LMO2: variants seen among roughly 807,000 people sequenced by gnomAD.
The protein encoded by LMO2 is LIM domain only 2, also known as rhombotin-2.
Under a neutral mutation model 23.2 loss-of-function variants are expected in LMO2, and 20 were observed. That is an observed-to-expected ratio of 0.86 (90% CI 0.61 to 1.25). The LOEUF is 1.25. LMO2 is among the 50% of genes most tolerant of loss of function. The pLI, the probability that LMO2 is intolerant of heterozygous loss-of-function variation, is 0.00. For synonymous variants in LMO2, 123 were observed against 130.2 expected (o/e 0.94, Z 0.38); for missense variants, 270 against 315.3 (o/e 0.86, Z 1.09).
chr11:33,869,812 G>T lies in LMO2; in HGVS notation c.-96C>A. The T allele has an allele frequency of 6.4e-6, 7 of 1,095,612 alleles. No homozygotes were observed. Among genetic ancestry groups the T allele is most frequent in the Non-Finnish European group, 7.8e-6 (7 of 902,766 alleles). 67.9% of individuals were successfully genotyped at this position (1,095,612 alleles called of 1,614,324 possible). ...TGGTGTGCGCCCGCCCGGCCGCCCG[G>T]AGCCCCTCGCACCTTCGGCCCGGGT... On this transcript the variant is annotated 5_prime_UTR_variant, in exon 3 of 6. Transcript: ENST00000257818.
At chr11:33,878,191 G>A (rs1463122328) in intron 2 of LMO2, among the ~76,000 whole-genome samples, 1 of 152,100 alleles carries the variant, frequency 6.6e-6, no homozygotes, top group African/African-American at 2.4e-5. Flanking sequence ...CTGTAATCCT[G>A]CTCACTCCAT....
intron 2 of LMO2, among the ~76,000 whole-genome samples, chr11:33,871,992 G>T (rs1355782241): frequency 6.6e-6 from 1 of 151,986 alleles, no homozygotes; most frequent in Admixed American, 6.6e-5. Context: ...GGCCGGGCTC[G>T]GTGGCCCACA....
intron 5 of LMO2, among the ~76,000 whole-genome samples, chr11:33,860,778 A>C (rs751930481): frequency 2.0e-5 from 3 of 152,148 alleles, no homozygotes; most frequent in Non-Finnish European, 2.9e-5. Flanking sequence ...TCAAAAGAAA[A>C]GCAAAAACTA....
intron 2 of LMO2, chr11:33,871,185 T>C (rs1857012009): frequency 9.9e-6 from 3 of 302,684 alleles, no homozygotes; most frequent in South Asian, 2.6e-4. Flanking sequence ...GGGTCCCTAA[T>C]GGGTATAATC....
chr11:33,880,846 C>G lies in LMO2; in HGVS notation c.-272+978G>C, dbSNP rs1433043089. On this transcript the variant is annotated intron_variant, in intron 2 of 5. Transcript: ENST00000257818. The surrounding 1 kb of genome is among the most constrained non-coding windows in gnomAD (Gnocchi z 4.3). ...AACCAAATGTTATGGGGAAGCCAGT[C>G]TCATGAGCTCCAACACATTCTTCAG... is the stretch of plus-strand genomic sequence containing the variant. 8.7e-6 allele frequency: 2 copies of G among 231,148 alleles called. No homozygotes were observed. The highest frequency in any genetic ancestry group is 2.4e-4 in the East Asian group (2 of 8,500). The allele number at this position is 231,148 out of a possible 1,614,324, so 14.3% of individuals were successfully genotyped here.
intron 1 of LMO2, among the ~76,000 whole-genome samples, chr11:33,888,526 T>C (rs554119824): frequency 6.6e-6 from 1 of 152,256 alleles, no homozygotes; most frequent in East Asian, 1.9e-4. Flanking sequence ...CTTCAAACTC[T>C]TGCTTTAGGG....
chr11:33,866,040 G>A (rs566441392), intron 4 of LMO2, among the ~76,000 whole-genome samples: 17 of 152,252 alleles, frequency 1.1e-4, no homozygotes, highest in Admixed American at 7.8e-4. Flanking sequence ...TACCCTGCAG[G>A]TATAAATCCA....
chr11:33,861,508 C>T (rs141666320), intron 5 of LMO2, among the ~76,000 whole-genome samples: 7 of 152,248 alleles, frequency 4.6e-5, no homozygotes, highest in South Asian at 2.1e-4. Flanking sequence ...TTCAAAGCAC[C>T]GCCTGGGAGC....
intron 5 of LMO2, 142 bp from the exon 6 acceptor site, chr11:33,859,717 G>A: frequency 1.5e-6 from 1 of 661,242 alleles, no homozygotes; most frequent in Non-Finnish European, 2.6e-6. Flanking sequence ...AGGAGGGCCG[G>A]CTAGTGCAGT....
At chr11:33,887,675 G>C (rs931869278) in intron 1 of LMO2, among the ~76,000 whole-genome samples, 2 of 151,756 alleles carry the variant, frequency 1.3e-5, no homozygotes, top group African/African-American at 4.8e-5. Context: ...CTCCCAAGCA[G>C]CTGTGTGTGC....
rs1857226941 is a variant in LMO2, at chr11:33,880,067, C to G, written c.-272+1757G>C. Among the ~76,000 whole-genome samples the G allele has an allele frequency of 6.6e-6, 1 of 151,952 alleles. No individual in the cohort carries two copies. Among genetic ancestry groups the G allele is most frequent in the Non-Finnish European group, 1.5e-5 (1 of 68,004 alleles). On this transcript the variant is annotated intron_variant, in intron 2 of 5. Coordinates refer to ENST00000257818, the MANE Select transcript of LMO2 (RefSeq NM_005574.4). This position sits in a 1 kb window ranked among gnomAD's most constrained non-coding sequence, Gnocchi z 4.3. The stretch of plus-strand genomic sequence containing the variant: ...CACCCATGTTCACAGCAGTACTATT[C>G]ACAATAGCCAGAAAGTGGAAGCAAC...
chr11:33,860,621 G>A (rs762188547), intron 5 of LMO2, among the ~76,000 whole-genome samples: 6 of 152,018 alleles, frequency 3.9e-5, no homozygotes, highest in East Asian at 3.9e-4. Flanking sequence ...AAAATTAGCC[G>A]GGTGCGGTGG....
At chr11:33,874,434 T>C (rs1170790571) in intron 2 of LMO2, among the ~76,000 whole-genome samples, 1 of 152,222 alleles carries the variant, frequency 6.6e-6, no homozygotes, top group Non-Finnish European at 1.5e-5. Context: ...GCAATCATAA[T>C]GTCACCAGGG....
chr11:33,869,418 G>T lies in LMO2; in HGVS notation c.176C>A (p.Pro59His). 6 of 1,200,816 alleles carry T rather than the reference G, an allele frequency of 5.0e-6. No individual in the cohort carries two copies. Among genetic ancestry groups the T allele is most frequent in the Non-Finnish European group, 6.2e-6 (6 of 962,264 alleles). 74.4% of individuals were successfully genotyped at this position (1,200,816 alleles called of 1,614,324 possible). Residue 59 changes from proline (P) to histidine (H), a missense_variant, in exon 4 of 6, where the codon CCC (proline) becomes CAC (histidine). Coordinates refer to ENST00000257818, the MANE Select transcript of LMO2 (RefSeq NM_005574.4). ...AGQPRATKGA[P>H]PPPGTPPPSP... ...GGGAGGCGGGGTGCCGGGCGGCGGG[G>T]GCGCTCCCTTTGTGGCGCGGGGCTG... is the stretch of plus-strand genomic sequence containing the variant.
chr11:33,872,635 C>G (rs1233261342), intron 2 of LMO2, among the ~76,000 whole-genome samples: 1 of 152,246 alleles, frequency 6.6e-6, no homozygotes, highest in East Asian at 1.9e-4. Flanking sequence ...TTTTTAAAAG[C>G]AGGAAACAGG....
rs1857256843 is a variant in LMO2, at chr11:33,880,529, T to C, written c.-272+1295A>G. On this transcript the variant is annotated intron_variant, in intron 2 of 5. Coordinates refer to ENST00000257818, the MANE Select transcript of LMO2 (RefSeq NM_005574.4). The surrounding 1 kb of genome is among the most constrained non-coding windows in gnomAD (Gnocchi z 4.3). ...AGGAGCTAGGGGGAGGGGATAGTTA[T>C]TGTTTAATGGACAAAACATTTCAGT... 1 of 152,224 alleles carries C rather than the reference T, an allele frequency of 6.6e-6. No homozygotes were observed. The highest frequency in any genetic ancestry group is 2.4e-5 in the African/African-American group (1 of 41,432). The allele number at this position is 152,224 out of a possible 1,614,324, so 9.4% of individuals were successfully genotyped here.
At chr11:33,865,354 A>G (rs1302163764) in intron 4 of LMO2, among the ~76,000 whole-genome samples, 2 of 152,266 alleles carry the variant, frequency 1.3e-5, no homozygotes, top group African/African-American at 4.8e-5. Context: ...GCACAAAAGC[A>G]GAGGTGAGGA....
intron 2 of LMO2, chr11:33,870,285 A>C: frequency 7.8e-6 from 7 of 897,410 alleles, no homozygotes; most frequent in Non-Finnish European, 8.0e-6. Flanking sequence ...TAAGGCAGAA[A>C]GTAACCCACG....
chr11:33,865,465 T>C (rs1212950713), intron 4 of LMO2, among the ~76,000 whole-genome samples: 1 of 152,266 alleles, frequency 6.6e-6, no homozygotes, highest in African/African-American at 2.4e-5. Context: ...TTTACTTTTT[T>C]ACAGAAATTC....
Sources: gnomAD v4.1 joint callset for allele counts (sites outside exome capture counted in the v4.1 genomes callset) on GRCh38, gnomAD v4.1.1 for gene constraint, Gnocchi (gnomAD v3.1) non-coding constraint, MANE v1.5 for transcripts, NCBI Gene and HGNC (gene_info 2026-07-23, HGNC 2026-07-21) for gene names.